Variants in TMCC3 observed in about 807,000 individuals in gnomAD.
TMCC3 encodes transmembrane and coiled-coil domain protein 3.
TMCC3 carries 28 observed loss-of-function variants against 40.2 expected under a neutral mutation model. The ratio of observed to expected loss-of-function variants is 0.70; its 90% CI spans 0.52 to 0.95. TMCC3 has a LOEUF of 0.95. Ranked by LOEUF, TMCC3 falls within the 40% of genes least tolerant of loss-of-function variation. The pLI, the probability that TMCC3 is intolerant of heterozygous loss-of-function variation, is 0.00. For missense variants in TMCC3, 554 were observed against 615.2 expected, an observed-to-expected ratio of 0.90 and a Z score of 1.05; for synonymous variants, 255 against 248.5, an observed-to-expected ratio of 1.03 and a Z score of -0.25.
chr12:94,589,908 T>C (rs1222384150), intron 1 of TMCC3, among the ~76,000 whole-genome samples: 7 of 152,150 alleles, frequency 4.6e-5, no homozygotes, highest in African/African-American at 1.7e-4. Context: ...CTGTACCAGC[T>C]CAGCCCCAGA....
intron 1 of TMCC3, among the ~76,000 whole-genome samples, chr12:94,649,460 GAAC>G (rs2069040258): frequency 2.0e-5 from 3 of 152,356 alleles, no homozygotes; most frequent in East Asian, 1.9e-4. Flanking sequence ...GCGGAGCAAA[GAAC>G]AACTCCAGGT....
rs762708004 is a variant in TMCC3 at position 94,571,310 on chromosome 12, C to T, written c.*125G>A. The T allele has an allele frequency of 2.5e-5, 24 of 974,712 alleles. No individual in the cohort carries two copies. Among genetic ancestry groups the T allele is most frequent in the Non-Finnish European group, 3.6e-5 (24 of 663,440 alleles). 60.4% of individuals were successfully genotyped at this position (974,712 alleles called of 1,614,324 possible). ...GTTAAGAGAATTGTAGTTATTTACA[C>T]CACACAGTCCTAGTTTTTCTTACAC... On this transcript the variant is annotated 3_prime_UTR_variant, in exon 4 of 4. Transcript: ENST00000261226.
chr12:94,625,249 C>T (rs2138871665), intron 1 of TMCC3, among the ~76,000 whole-genome samples: 1 of 151,248 alleles, frequency 6.6e-6, no homozygotes, highest in East Asian at 2.0e-4. Flanking sequence ...AGGACTTCAA[C>T]ATATCTTTTG....
chr12:94,587,252 T>G (rs1417139978), intron 1 of TMCC3, among the ~76,000 whole-genome samples: 1 of 151,808 alleles, frequency 6.6e-6, no homozygotes. Flanking sequence ...TGTGTTTCTG[T>G]TTGGGCGCTG....
intron 1 of TMCC3, among the ~76,000 whole-genome samples, chr12:94,601,815 A>G (rs111402233): frequency 1.4e-5 from 1 of 73,038 alleles, no homozygotes; most frequent in Non-Finnish European, 4.7e-5. Context: ...TCTCAAAAAA[A>G]AAAAAAAAAA....
intron 1 of TMCC3, among the ~76,000 whole-genome samples, chr12:94,593,517 T>C (rs1259406972): frequency 1.3e-5 from 2 of 151,348 alleles, no homozygotes. Flanking sequence ...ATCTCGTCAC[T>C]CTAGAATTAG....
At chr12:94,598,018 C>T (rs548707265) in intron 1 of TMCC3, among the ~76,000 whole-genome samples, 7 of 152,134 alleles carry the variant, frequency 4.6e-5, no homozygotes, top group Non-Finnish European at 7.4e-5. Flanking sequence ...CAAGAGAGGA[C>T]AGAATCTTGC....
At chr12:94,624,437 G>A (rs1205897978) in intron 1 of TMCC3, among the ~76,000 whole-genome samples, 1 of 152,208 alleles carries the variant, frequency 6.6e-6, no homozygotes, top group Non-Finnish European at 1.5e-5. Flanking sequence ...CCATGGCCAG[G>A]CATGGTGGCT....
intron 3 of TMCC3, among the ~76,000 whole-genome samples, 165 bp downstream of exon 3, chr12:94,578,229 A>G (rs2068578834): frequency 6.6e-6 from 1 of 152,036 alleles, no homozygotes; most frequent in Admixed American, 6.6e-5. Flanking sequence ...CTATAACATG[A>G]ACTAGTGGGG....
At chr12:94,605,866 T>G (rs1452163777) in intron 1 of TMCC3, among the ~76,000 whole-genome samples, 1 of 152,150 alleles carries the variant, frequency 6.6e-6, no homozygotes, top group African/African-American at 2.4e-5. Context: ...CCCCTCACTC[T>G]AAGCCATACT....
chr12:94,595,635 A>C (rs1470511242), intron 1 of TMCC3, among the ~76,000 whole-genome samples: 2 of 152,222 alleles, frequency 1.3e-5, no homozygotes, highest in East Asian at 3.8e-4. Flanking sequence ...TTTTCTTATA[A>C]ATGGATCAGA....
At position 94,569,692 on chromosome 12, in the gene TMCC3, T is replaced by G. The variant is rs2068515271; in HGVS notation, c.*1743A>C. ...CTGCCTAAGTCCCGCTCACACACAC[T>G]GGACTTGTACTAAATGCTCAACGAT... On this transcript the variant is annotated 3_prime_UTR_variant, in exon 4 of 4. Coordinates refer to ENST00000261226, the MANE Select transcript of TMCC3 (RefSeq NM_020698.4). 6.6e-6 allele frequency: 1 copy of G among 152,196 alleles called. No homozygotes were observed. Among genetic ancestry groups the G allele is most frequent in the South Asian group, 2.1e-4 (1 of 4,834 alleles). 9.4% of individuals were successfully genotyped at this position (152,196 alleles called of 1,614,324 possible).
intron 1 of TMCC3, among the ~76,000 whole-genome samples, chr12:94,592,291 T>TC (rs1197186461): frequency 1.3e-5 from 2 of 151,946 alleles, no homozygotes; most frequent in Non-Finnish European, 2.9e-5. Flanking sequence ...ATTCCTCGCA[T>TC]CCCCCCTTCT....
chr12:94,635,660 GTTTTTTT>G (rs63480462), intron 1 of TMCC3, among the ~76,000 whole-genome samples: 4 of 89,294 alleles, frequency 4.5e-5, no homozygotes, highest in East Asian at 3.4e-4. Flanking sequence ...GTGTATGTGG[GTTTTTTT>G]TTTTTTTTTT....
intron 1 of TMCC3, among the ~76,000 whole-genome samples, chr12:94,633,813 G>A (rs376422260): frequency 5.3e-5 from 8 of 152,270 alleles, no homozygotes; most frequent in South Asian, 4.1e-4. Context: ...CTAACAGTTC[G>A]CTGAATGAGT....
At chr12:94,634,711 G>A (rs1473083831) in intron 1 of TMCC3, among the ~76,000 whole-genome samples, 1 of 152,174 alleles carries the variant, frequency 6.6e-6, no homozygotes, top group Non-Finnish European at 1.5e-5. Flanking sequence ...CTGCTCCCCA[G>A]GTAGGGCATA....
chr12:94,636,777 ACAGCCTCTGG>A (rs2068963178), intron 1 of TMCC3, among the ~76,000 whole-genome samples: 1 of 152,250 alleles, frequency 6.6e-6, no homozygotes, highest in South Asian at 2.1e-4. Flanking sequence ...AAAACAGTGA[ACAGCCTCTGG>A]CGGCTGAGGG....
At chr12:94,609,382 C>G (rs1199909121) in intron 1 of TMCC3, among the ~76,000 whole-genome samples, 1 of 152,048 alleles carries the variant, frequency 6.6e-6, no homozygotes, top group Non-Finnish European at 1.5e-5. Context: ...TCCCTATTTA[C>G]CAAAACCCAG....
intron 3 of TMCC3, among the ~76,000 whole-genome samples, chr12:94,577,352 C>T (rs12099885): frequency 0.016 from 2,459 of 152,110 alleles, 73 homozygotes; most frequent in African/African-American, 0.057. Context: ...TCACGCCTGG[C>T]TAATTTTTTG....
Sources: gnomAD v4.1 joint callset for allele counts (sites outside exome capture counted in the v4.1 genomes callset) on GRCh38, gnomAD v4.1.1 for gene constraint, MANE v1.5 for transcripts, NCBI Gene and HGNC (gene_info 2026-07-23, HGNC 2026-07-21) for gene names.